The following SIRPG variants were observed in gnomAD, a reference collection of about 807,000 sequenced individuals.
SIRPG encodes signal regulatory protein gamma.
SIRPG carries 38 observed loss-of-function variants against 35.7 expected under a neutral mutation model. The ratio of observed to expected loss-of-function variants is 1.06; its 90% CI spans 0.82 to 1.40. The LOEUF is 1.40. Among genes scored for constraint, SIRPG ranks in the 40% most tolerant of loss-of-function variants. The pLI is 0.00. For synonymous variants in SIRPG, 215 were observed against 190.4 expected, an observed-to-expected ratio of 1.13 and a Z score of -1.06; for missense variants, 519 against 483.0, an observed-to-expected ratio of 1.07 and a Z score of -0.70.
the SIRPG span, chr20:1,670,743 C>T: frequency 5.4e-6 from 1 of 184,280 alleles, no homozygotes; most frequent in Non-Finnish European, 1.1e-5. Context: ...GTGACCAGTA[C>T]ATCTAGGTGC....
the SIRPG span, among the ~76,000 whole-genome samples, chr20:1,685,305 C>T: frequency 6.6e-6 from 1 of 152,294 alleles, no homozygotes; most frequent in African/African-American, 2.4e-5. Context: ...GCCCCAGTCC[C>T]CAGAACCTCA....
intron 2 of SIRPG, chr20:1,647,686 C>A (rs1417195091): frequency 6.6e-6 from 1 of 152,146 alleles, no homozygotes; most frequent in Non-Finnish European, 1.5e-5. Flanking sequence ...TTGATATTTC[C>A]ATAAATTGGA....
chr20:1,678,263 G>A, the SIRPG span, among the ~76,000 whole-genome samples: 36,960 of 152,020 alleles, frequency 0.24, 5,199 homozygotes, highest in East Asian at 0.59. Flanking sequence ...CCACCCTGAT[G>A]CTAGACCAAG....
At chr20:1,635,751 A>G in intron 3 of SIRPG, 152 bp from the exon 4 acceptor site, 1 of 831,772 alleles carries the variant, frequency 1.2e-6, no homozygotes, top group Non-Finnish European at 1.9e-6. Context: ...CGCTCTTTGC[A>G]TATGAATGAA....
chr20:1,678,153 C>A, the SIRPG span, among the ~76,000 whole-genome samples: 1 of 152,098 alleles, frequency 6.6e-6, no homozygotes, highest in Non-Finnish European at 1.5e-5. Flanking sequence ...TACGTCTTCC[C>A]ATCACTCCAG....
the SIRPG span, chr20:1,666,286 T>C: frequency 2.0e-5 from 3 of 152,152 alleles, no homozygotes; most frequent in Non-Finnish European, 4.4e-5. Flanking sequence ...AACATGAAAA[T>C]GTTACAGCAA....
At chr20:1,667,358 A>T in the SIRPG span, among the ~76,000 whole-genome samples, 1 of 152,190 alleles carries the variant, frequency 6.6e-6, no homozygotes, top group Non-Finnish European at 1.5e-5. Flanking sequence ...ATGTAAGTAC[A>T]CTTTGTGATG....
At chr20:1,662,194 C>G (rs1177165597), upstream of SIRPG, among the ~76,000 whole-genome samples, 2 of 152,202 alleles carry the variant, frequency 1.3e-5, no homozygotes, top group Non-Finnish European at 2.9e-5. Flanking sequence ...AGAATCACAA[C>G]TTCCTGAAGC....
intron 2 of SIRPG, chr20:1,647,866 T>C (rs928388031): frequency 6.6e-6 from 1 of 152,202 alleles, no homozygotes; most frequent in African/African-American, 2.4e-5. Context: ...AAAGAAATCC[T>C]GGCTCCCTGA....
upstream of SIRPG, among the ~76,000 whole-genome samples, chr20:1,660,902 G>C (rs1183241483): frequency 1.3e-5 from 2 of 152,162 alleles, no homozygotes; most frequent in Non-Finnish European, 2.9e-5. Flanking sequence ...CAGCTCTAAT[G>C]GGTCCCAGCT....
intron 1 of SIRPG, among the ~76,000 whole-genome samples, chr20:1,655,182 A>G (rs1412319932): frequency 6.6e-6 from 1 of 152,232 alleles, no homozygotes; most frequent in African/African-American, 2.4e-5. Flanking sequence ...ACTGGCATAT[A>G]TCCAAAGGAA....
intron 4 of SIRPG, chr20:1,633,740 G>A (rs1303371584): frequency 6.6e-6 from 1 of 152,198 alleles, no homozygotes; most frequent in Non-Finnish European, 1.5e-5. Flanking sequence ...AGGAACCTGG[G>A]CCTTTGAAAA....
the SIRPG span, among the ~76,000 whole-genome samples, chr20:1,672,403 C>T: frequency 0.23 from 34,494 of 152,028 alleles, 5,017 homozygotes; most frequent in East Asian, 0.6. Context: ...AACGAAGAGC[C>T]GAGAGTTTGT....
chr20:1,670,287 A>C, the SIRPG span: 4 of 216,342 alleles, frequency 1.8e-5, no homozygotes, highest in Admixed American at 4.9e-5. Flanking sequence ...GCACAGACAG[A>C]TCACAGGGAG....
chr20:1,684,838 A>T, the SIRPG span, among the ~76,000 whole-genome samples: 1,135 of 151,142 alleles, frequency 7.5e-3, 14 homozygotes, highest in African/African-American at 0.026. Context: ...GTAGCTTTCA[A>T]ATAGGGATGT....
At chr20:1,651,067 G>A (rs890412263) in intron 1 of SIRPG, among the ~76,000 whole-genome samples, 3 of 152,162 alleles carry the variant, frequency 2.0e-5, no homozygotes, top group African/African-American at 4.8e-5. Flanking sequence ...ATAAACAAAA[G>A]CTAAGATAGT....
At chr20:1,671,323 G>A in the SIRPG span, 32,596 of 163,864 alleles carry the variant, frequency 0.2, 3,772 homozygotes, top group Admixed American at 0.32. Context: ...TGGAGAGGGT[G>A]GTGTCCTCAT....
the SIRPG span, among the ~76,000 whole-genome samples, chr20:1,667,093 C>T: frequency 3.3e-5 from 5 of 152,180 alleles, no homozygotes; most frequent in Non-Finnish European, 2.9e-5. Flanking sequence ...GACAGGGTCT[C>T]ACCATGTTGC....
rs764721660 is a variant in SIRPG at position 1,635,428 on chromosome 20, G to A, written c.920C>T (p.Thr307Ile). 3.9e-5 allele frequency: 63 copies of A among 1,613,970 alleles called. No homozygotes were observed. The highest frequency in any genetic ancestry group is 3.0e-4 in the South Asian group (27 of 91,070). ...ASTLTENKDG[T>I]YNWTSWFLVN... is the part of the protein sequence containing the mutation. ...CAGGAACCAGCTTGTCCAGTTGTAG[G>A]TACCATCCTTGTTCTCTGTAAGGGT... The change falls in exon 4 of 6, where the codon ACC (threonine) becomes ATC (isoleucine). Residue 307 changes from threonine to isoleucine, a missense_variant. Thr to Ile is a moderately conservative substitution (Grantham distance 89, BLOSUM62 -1). Transcript: ENST00000303415.
Sources: gnomAD v4.1 joint callset for allele counts (sites outside exome capture counted in the v4.1 genomes callset) on GRCh38, gnomAD v4.1.1 for gene constraint, MANE v1.5 for transcripts, NCBI Gene and HGNC (gene_info 2026-07-23, HGNC 2026-07-21) for gene names.